Variants in SCARA3 observed in about 807,000 individuals in gnomAD.
The protein encoded by SCARA3 is scavenger receptor class A member 3, also known as cellular stress response gene protein.
In SCARA3, 39 loss-of-function variants were observed where a neutral mutation model predicts 47.0. The observed-to-expected ratio is 0.83, with a 90% CI of 0.64 to 1.08. The LOEUF (loss-of-function observed/expected upper bound fraction) is 1.08, where lower values mean the gene tolerates loss of function less well. SCARA3 is among the 50% of genes least tolerant of loss of function. The pLI, the probability that SCARA3 is intolerant of heterozygous loss-of-function variation, is 0.00. For missense variants in SCARA3, 724 were observed against 792.3 expected, an observed-to-expected ratio of 0.91 and a Z score of 1.04; for synonymous variants, 356 against 334.1, an observed-to-expected ratio of 1.07 and a Z score of -0.71.
In SCARA3 at chr8:27,656,178, A is replaced by G. The variant is rs553540374; in HGVS notation, c.227-604A>G. On this transcript the variant is annotated intron_variant, in intron 3 of 5. Coordinates refer to ENST00000301904, the MANE Select transcript of SCARA3 (RefSeq NM_016240.3). ...AGATATTCTCAGATACAAAGAGACC[A>G]TATTTACATAACTTTTATTATAGCA... is the stretch of plus-strand genomic sequence containing the variant. Among the ~76,000 whole-genome samples the G allele has an allele frequency of 2.6e-5, 4 of 152,360 alleles. No individual in the cohort carries two copies. In the South Asian group the frequency reaches 8.3e-4, roughly 32 times the overall value.
chr8:27,686,336 TAGG>T, the SCARA3 span, among the ~76,000 whole-genome samples: 1 of 151,906 alleles, frequency 6.6e-6, no homozygotes, highest in East Asian at 1.9e-4. Context: ...CCCAGCTACT[TAGG>T]AGGCTGAAGT....
the SCARA3 span, among the ~76,000 whole-genome samples, chr8:27,708,283 G>C: frequency 2.0e-5 from 3 of 152,110 alleles, no homozygotes; most frequent in African/African-American, 7.2e-5. Context: ...ACATTATGCA[G>C]GTGAAAATAT....
At chr8:27,642,762 G>A (rs1025050553) in intron 1 of SCARA3, among the ~76,000 whole-genome samples, 7 of 152,136 alleles carry the variant, frequency 4.6e-5, no homozygotes, top group Admixed American at 6.5e-5. Flanking sequence ...AGGTCTAGGC[G>A]GCACTGAGCC....
At chr8:27,696,497 C>T in the SCARA3 span, among the ~76,000 whole-genome samples, 2 of 151,914 alleles carry the variant, frequency 1.3e-5, no homozygotes, top group African/African-American at 4.8e-5. Flanking sequence ...ACTCTGTCAC[C>T]CAGGCTGGAG....
At chr8:27,683,156 G>C in the SCARA3 span, among the ~76,000 whole-genome samples, 1 of 152,090 alleles carries the variant, frequency 6.6e-6, no homozygotes, top group Admixed American at 6.5e-5. Context: ...AAAACAAAAT[G>C]TGCTGACTGA....
chr8:27,727,399 C>A, the SCARA3 span, among the ~76,000 whole-genome samples: 129 of 152,338 alleles, frequency 8.5e-4, no homozygotes, highest in African/African-American at 3.0e-3. Flanking sequence ...TGATGCGCGC[C>A]GAGACCAGGG....
intron 1 of SCARA3, among the ~76,000 whole-genome samples, chr8:27,647,750 G>A (rs986701167): frequency 2.0e-5 from 3 of 152,196 alleles, no homozygotes; most frequent in South Asian, 2.1e-4. Context: ...GGGAAGTGAC[G>A]TTTAAGCCAT....
chr8:27,664,493 C>G (rs1205410275), intron 5 of SCARA3, among the ~76,000 whole-genome samples: 1 of 152,160 alleles, frequency 6.6e-6, no homozygotes, highest in African/African-American at 2.4e-5. Flanking sequence ...CTCTCCAATG[C>G]TCTGAAATGC....
intron 5 of SCARA3, among the ~76,000 whole-genome samples, chr8:27,660,351 T>C (rs546027600): frequency 1.3e-5 from 2 of 151,842 alleles, no homozygotes; most frequent in African/African-American, 2.4e-5. Context: ...ATAGAGATGA[T>C]AGATAGATAG....
At chr8:27,730,075 C>T in the SCARA3 span, among the ~76,000 whole-genome samples, 1 of 152,152 alleles carries the variant, frequency 6.6e-6, no homozygotes, top group African/African-American at 2.4e-5. Context: ...TTCCCACCCC[C>T]TCGCACCTGC....
At chr8:27,658,429 A>C (rs904646151) in intron 4 of SCARA3, 67 bp from the exon 5 acceptor site, 2 of 1,402,620 alleles carry the variant, frequency 1.4e-6, no homozygotes, top group Non-Finnish European at 1.9e-6. Context: ...TGAAATATTT[A>C]ATTTAAAGAG....
rs1373656942 is a variant in SCARA3 at position 27,671,617 on chromosome 8, C to T, written c.*266C>T. 1 of 1,185,518 alleles carries T rather than the reference C, an allele frequency of 8.4e-7. No homozygotes were observed. Among genetic ancestry groups the T allele is most frequent in the Non-Finnish European group, 1.1e-6 (1 of 951,394 alleles). 73.4% of individuals were successfully genotyped at this position (1,185,518 alleles called of 1,614,324 possible). ...GCACATGCACACATACACATGCATG[C>T]ACACATACACAGGCATACATGCATG... is the stretch of plus-strand genomic sequence containing the variant. On this transcript the variant is annotated 3_prime_UTR_variant, in exon 6 of 6. Coordinates refer to ENST00000301904, the MANE Select transcript of SCARA3 (RefSeq NM_016240.3).
intron 5 of SCARA3, among the ~76,000 whole-genome samples, chr8:27,667,690 A>G (rs1391079027): frequency 6.6e-6 from 1 of 152,130 alleles, no homozygotes; most frequent in African/African-American, 2.4e-5. Context: ...CACTGCTCTC[A>G]TGTCCCTCCC....
At chr8:27,687,792 G>A in the SCARA3 span, among the ~76,000 whole-genome samples, 1 of 152,046 alleles carries the variant, frequency 6.6e-6, no homozygotes, top group Non-Finnish European at 1.5e-5. Context: ...CAAGGCAGGT[G>A]GATCTCCTGA....
the SCARA3 span, among the ~76,000 whole-genome samples, chr8:27,686,328 C>A: frequency 6.6e-6 from 1 of 151,932 alleles, no homozygotes; most frequent in Non-Finnish European, 1.5e-5. Flanking sequence ...GTAGTTGTCC[C>A]AGCTACTTAG....
chr8:27,640,018 C>G (rs979557490), intron 1 of SCARA3, among the ~76,000 whole-genome samples: 4 of 149,164 alleles, frequency 2.7e-5, no homozygotes, highest in Non-Finnish European at 4.4e-5. Flanking sequence ...AGGGATGGCC[C>G]GTGCTCATTG....
the SCARA3 span, among the ~76,000 whole-genome samples, chr8:27,685,748 G>GA: frequency 4.1e-3 from 618 of 152,230 alleles, 5 homozygotes; most frequent in African/African-American, 0.014. Context: ...GTCAAAAAAA[G>GA]AAAGAAAACA....
At chr8:27,669,126 C>T (rs1029033067) in intron 5 of SCARA3, among the ~76,000 whole-genome samples, 5 of 152,038 alleles carry the variant, frequency 3.3e-5, no homozygotes, top group Admixed American at 3.3e-4. Context: ...GAAGTGAGCC[C>T]AGGAGGAGTC....
Position 27,659,057 on chromosome 8 carries a change from G to T in SCARA3, c.887G>T (p.Ser296Ile). The change falls in exon 5 of 6, where the codon AGC becomes ATC. Residue 296 changes from serine (S) to isoleucine (I), a missense_variant. Ser to Ile is a moderately radical substitution (Grantham distance 142, BLOSUM62 -2). Transcript: ENST00000301904. ...CAGCGCATCAGCCAGAACTCAGAGAGCATGCACGACCTGGTACTCCAGGTC... is the reference window on the plus strand; with the variant it reads ...CAGCGCATCAGCCAGAACTCAGAGATCATGCACGACCTGGTACTCCAGGTC... Reference protein sequence around the residue: ...SSQRISQNSESMHDLVLQVMG... With the variant: ...SSQRISQNSEIMHDLVLQVMG... The T allele has an allele frequency of 6.2e-7, 1 of 1,614,096 alleles. No homozygotes were observed. The highest frequency in any genetic ancestry group is 8.5e-7 in the Non-Finnish European group (1 of 1,180,020).
Sources: allele counts gnomAD v4.1 joint callset (sites outside exome capture counted in the v4.1 genomes callset), GRCh38; gene constraint gnomAD v4.1.1; transcripts MANE v1.5; gene names NCBI Gene and HGNC (gene_info 2026-07-23, HGNC 2026-07-21).